Variants in SREK1 observed in about 807,000 individuals in gnomAD.
SREK1 encodes the protein splicing regulatory glutamic acid and lysine rich protein 1, also known as splicing regulatory glutamine/lysine-rich protein 1.
In SREK1, 13 loss-of-function variants were observed where a neutral mutation model predicts 66.5. The observed-to-expected ratio is 0.20, with a 90% CI of 0.13 to 0.31. The LOEUF is 0.31. Among genes scored for constraint, SREK1 ranks in the 10% least tolerant of loss-of-function variants. The pLI is 1.00. For missense variants in SREK1, 607 were observed against 769.6 expected (o/e 0.79, Z 2.50); for synonymous variants, 265 against 263.5 (o/e 1.01, Z -0.05).
At chr5:66,156,806 A>C in intron 2 of SREK1, 4 of 985,366 alleles carry the variant, frequency 4.1e-6, no homozygotes, top group Non-Finnish European at 4.8e-6. Context: ...TATTTGAGAA[A>C]CTTAAGTATT....
intron 1 of SREK1, among the ~76,000 whole-genome samples, chr5:66,147,533 G>T (rs1370278805): frequency 1.3e-5 from 2 of 152,100 alleles, no homozygotes; most frequent in Non-Finnish European, 1.5e-5. Context: ...AACCTGAAGG[G>T]TAAGCCTACC....
intron 10 of SREK1, 113 bp downstream of exon 10, chr5:66,175,154 A>G (rs775811866): frequency 1.1e-4 from 86 of 813,764 alleles, no homozygotes; most frequent in Non-Finnish European, 1.4e-4. Context: ...AATAATACAT[A>G]TGCATTATTC....
chr5:66,175,177 T>C (rs1745958617), intron 10 of SREK1, 136 bp downstream of exon 10: 1 of 722,202 alleles, frequency 1.4e-6, no homozygotes, highest in African/African-American at 1.8e-5. Flanking sequence ...AAATTAAAGA[T>C]AAAAGTTATG....
intron 2 of SREK1, chr5:66,158,711 T>C: frequency 1.8e-6 from 2 of 1,088,742 alleles, no homozygotes; most frequent in Non-Finnish European, 2.4e-6. Flanking sequence ...GTTTTTTCTT[T>C]TTCTTTTTTT....
At chr5:66,155,161 G>A (rs372777875) in intron 2 of SREK1, among the ~76,000 whole-genome samples, 67 of 152,222 alleles carry the variant, frequency 4.4e-4, no homozygotes, top group African/African-American at 1.5e-3. Context: ...TGATGGGCGT[G>A]TAGATGTCCC....
At chr5:66,167,018 AGTT>A (rs1745233775) in intron 7 of SREK1, 4 of 152,086 alleles carry the variant, frequency 2.6e-5, no homozygotes, top group South Asian at 2.1e-4. Context: ...TGCTAGTGGG[AGTT>A]GTTGTCCTTG....
At chr5:66,169,483 T>C (rs966002460) in intron 7 of SREK1, 4 of 152,226 alleles carry the variant, frequency 2.6e-5, no homozygotes, top group African/African-American at 9.6e-5. Context: ...AAAACACTTT[T>C]GGTTCCAAGC....
In SREK1 at chr5:66,162,097, T is replaced by C. The variant is rs777732706; in HGVS notation, c.412-12T>C. ...ATATGTGTTCTGTGTGTTTTTTTTC[T>C]TCTTTCGATAGCTTGGTGTTTCACT... On this transcript the variant is annotated splice_polypyrimidine_tract_variant and intron_variant, in intron 3 of 11. Coordinates refer to ENST00000334121, the MANE Select transcript of SREK1 (RefSeq NM_001077199.3). The C allele has an allele frequency of 6.2e-7, 1 of 1,604,434 alleles. No individual in the cohort carries two copies. Among genetic ancestry groups the C allele is most frequent in the Non-Finnish European group, 8.5e-7 (1 of 1,176,714 alleles).
At chr5:66,178,447 C>T (rs1746246421) in intron 11 of SREK1, among the ~76,000 whole-genome samples, 2 of 151,986 alleles carry the variant, frequency 1.3e-5, no homozygotes, top group Non-Finnish European at 2.9e-5. Flanking sequence ...GATCTGTCTC[C>T]GTTTTTCAAG....
chr5:66,146,759 T>C (rs555754133), intron 1 of SREK1, among the ~76,000 whole-genome samples: 39 of 152,342 alleles, frequency 2.6e-4, no homozygotes, highest in Admixed American at 2.2e-3. Flanking sequence ...GTAGTTGTAT[T>C]GAAAATATAT....
intron 7 of SREK1, chr5:66,169,595 A>T (rs1745463396): frequency 6.6e-6 from 1 of 152,286 alleles, no homozygotes; most frequent in South Asian, 2.1e-4. Flanking sequence ...GTTTTAACTT[A>T]TGAGTAATGA....
chr5:66,167,048 A>G (rs1040178109), intron 7 of SREK1: 1 of 152,062 alleles, frequency 6.6e-6, no homozygotes, highest in African/African-American at 2.4e-5. Flanking sequence ...ACCCTGACCT[A>G]TTAGACTTAG....
In SREK1 at chr5:66,162,185, T is replaced by G; in HGVS notation, c.488T>G (p.Ile163Arg). 6.2e-7 allele frequency: 1 copy of G among 1,614,142 alleles called. No individual in the cohort carries two copies. Among genetic ancestry groups the G allele is most frequent in the Non-Finnish European group, 8.5e-7 (1 of 1,179,990 alleles). The change falls in exon 4 of 12, where the codon ATA becomes AGA. Residue 163 changes from isoleucine to arginine, a missense_variant. Physicochemically the swap from Ile to Arg is moderately conservative, Grantham distance 97. Around this residue, in one of 5 missense-constraint regions of SREK1, gnomAD observed 99 missense variants for 186.6 expected, o/e 0.53. Coordinates refer to ENST00000334121, the MANE Select transcript of SREK1 (RefSeq NM_001077199.3). ...CCCAACATTGCAACACTTGGAGAGA[T>G]ACCACAGCCACCACTTATGGGAAAC... ...LDPNIATLGE[I>R]PQPPLMGNVD...
In SREK1 at chr5:66,160,102, C is replaced by T. The variant is rs541999937; in HGVS notation, c.411+768C>T. On this transcript the variant is annotated intron_variant, in intron 3 of 11. Coordinates refer to ENST00000334121, the MANE Select transcript of SREK1 (RefSeq NM_001077199.3). ...CGAAGATTGCGCCACTGCACTCCAG[C>T]CTGGGCGACAGAGGGAGAGTCTCAA... 2.6e-5 allele frequency among the ~76,000 whole-genome samples: 4 copies of T among 151,876 alleles called. No homozygotes were observed. In the East Asian group the frequency reaches 7.7e-4, roughly 29 times the overall value.
rs1458299942 is a variant in SREK1 at position 66,144,534 on chromosome 5, C to G, written c.158C>G (p.Pro53Arg). 11 of 1,551,442 alleles carry G rather than the reference C, an allele frequency of 7.1e-6. No individual in the cohort carries two copies. The highest frequency in any genetic ancestry group is 9.6e-6 in the Non-Finnish European group (11 of 1,147,014). ...ATCGAGGAGCTGCGGCTCTACCCCCCGGAGTAAGTGCTGGAGCTCGGCTGG... is the reference window on the plus strand; with the variant it reads ...ATCGAGGAGCTGCGGCTCTACCCCCGGGAGTAAGTGCTGGAGCTCGGCTGG... ...GEIEELRLYP[P>R]DNAPLAFSSK... Residue 53 changes from proline to arginine, a missense_variant, in exon 1 of 12, where the codon CCG becomes CGG. Transcript: ENST00000334121.
intron 1 of SREK1, among the ~76,000 whole-genome samples, chr5:66,150,394 C>A (rs776782490): frequency 1.4e-4 from 22 of 152,150 alleles, no homozygotes; most frequent in Non-Finnish European, 2.2e-4. Context: ...GCGAGGACAT[C>A]GTAACCAAAT....
chr5:66,168,964 CT>C, intron 7 of SREK1: 1 of 152,250 alleles, frequency 6.6e-6, no homozygotes, highest in South Asian at 2.1e-4. Context: ...TGCTACTCCA[CT>C]TTATAGAGGA....
At position 66,178,731 on chromosome 5, in the gene SREK1, A is replaced by C. The variant is rs532483574; in HGVS notation, c.1738A>C (p.Asn580His). The C allele has an allele frequency of 5.0e-6, 8 of 1,610,016 alleles. No individual in the cohort carries two copies. The African/African-American group carries it at 1.1e-4, about 22-fold the overall frequency. The stretch of plus-strand genomic sequence containing the variant: ...TTACTCATTGTAGGAGAAAGAGCAC[A>C]ATAAAGAACCAGATTCAAGTGTGAG... ...NSTSLKEKEH[N>H]KEPDSSVSKE... Residue 580 changes from asparagine (N) to histidine (H), a missense_variant, in exon 12 of 12, where the codon AAT becomes CAT. Physicochemically the swap from Asn to His is moderately conservative, Grantham distance 68. Around this residue, in one of 5 missense-constraint regions of SREK1, gnomAD observed 318 missense variants for 310.3 expected, o/e 1.02. Transcript: ENST00000334121.
At chr5:66,144,633 C>T (rs920447283) in intron 1 of SREK1, 96 bp downstream of exon 1, 3 of 1,444,650 alleles carry the variant, frequency 2.1e-6, no homozygotes, top group South Asian at 1.4e-5. Context: ...GCGCGCGGTG[C>T]ATGTCACGTG....
Sources: allele counts gnomAD v4.1 joint callset (sites outside exome capture counted in the v4.1 genomes callset), GRCh38; gene constraint gnomAD v4.1.1; regional missense constraint gnomAD v4.1.1; transcripts MANE v1.5; gene names NCBI Gene and HGNC (gene_info 2026-07-23, HGNC 2026-07-21).